Variants in ATRNL1 observed in about 807,000 individuals in gnomAD.
The protein encoded by ATRNL1 is attractin-like protein 1.
In ATRNL1, 95 loss-of-function variants were observed where a neutral mutation model predicts 182.7. The ratio of observed to expected loss-of-function variants is 0.52; its 90% CI spans 0.44 to 0.62. The LOEUF is 0.62. ATRNL1 is among the 20% of genes least tolerant of loss of function. The probability of loss-of-function intolerance (pLI) is 0.00; values close to 1 mark genes in which losing one functional copy is unlikely to be tolerated. For missense variants in ATRNL1, 1,471 were observed against 1,679.5 expected (o/e 0.88, Z 2.17); for synonymous variants, 576 against 568.3 (o/e 1.01, Z -0.19).
intron 2 of ATRNL1, among the ~76,000 whole-genome samples, chr10:115,120,712 A>G (rs749341137): frequency 3.4e-4 from 52 of 152,052 alleles, no homozygotes; most frequent in Non-Finnish European, 6.6e-4. Flanking sequence ...GAAACAATCT[A>G]TCTATTTAAA....
intron 24 of ATRNL1, among the ~76,000 whole-genome samples, chr10:115,511,328 T>C (rs1850375218): frequency 6.6e-6 from 1 of 151,948 alleles, no homozygotes; most frequent in South Asian, 2.1e-4. Flanking sequence ...GAATATAACC[T>C]AATAAGATCT....
intron 26 of ATRNL1, among the ~76,000 whole-genome samples, chr10:115,659,524 G>A (rs1860541542): frequency 6.6e-6 from 1 of 151,918 alleles, no homozygotes; most frequent in South Asian, 2.1e-4. Context: ...CATTAGTTAG[G>A]CAGTTGTATG....
At chr10:115,536,220 C>G (rs1851986302) in intron 25 of ATRNL1, among the ~76,000 whole-genome samples, 1 of 152,266 alleles carries the variant, frequency 6.6e-6, no homozygotes, top group Non-Finnish European at 1.5e-5. Context: ...AGAGGTGGAG[C>G]CTACAGAGAC....
intron 1 of ATRNL1, among the ~76,000 whole-genome samples, chr10:115,114,891 A>G (rs1295349847): frequency 1.3e-5 from 2 of 152,104 alleles, no homozygotes; most frequent in East Asian, 1.9e-4. Flanking sequence ...TATATATCCA[A>G]AGGAATTGGA....
chr10:115,215,125 T>C (rs558628482), intron 8 of ATRNL1, among the ~76,000 whole-genome samples: 54 of 152,306 alleles, frequency 3.5e-4, no homozygotes, highest in African/African-American at 1.3e-3. Context: ...CTCATACTAG[T>C]ACTCCCATTG....
intron 19 of ATRNL1, among the ~76,000 whole-genome samples, chr10:115,386,871 G>A (rs1473595099): frequency 7.6e-6 from 1 of 131,094 alleles, no homozygotes; most frequent in Non-Finnish European, 1.5e-5. Context: ...GTGTCCATGT[G>A]TTCTCATTGT....
chr10:115,357,812 C>G (rs1465600822), intron 19 of ATRNL1, among the ~76,000 whole-genome samples: 1 of 151,596 alleles, frequency 6.6e-6, no homozygotes, highest in Non-Finnish European at 1.5e-5. Context: ...TAACTTTCTG[C>G]TGAACATTTC....
intron 18 of ATRNL1, among the ~76,000 whole-genome samples, chr10:115,325,043 CAA>C (rs1178480577): frequency 9.9e-5 from 15 of 152,090 alleles, no homozygotes; most frequent in Non-Finnish European, 2.2e-4. Context: ...AAGATTGTCA[CAA>C]AGATATTTTT....
chr10:115,601,755 T>G (rs1565204537), intron 26 of ATRNL1, among the ~76,000 whole-genome samples: 2 of 152,158 alleles, frequency 1.3e-5, no homozygotes, highest in African/African-American at 4.8e-5. Context: ...TTATTTAATT[T>G]AAAAGTAGTT....
intron 26 of ATRNL1, 73 bp downstream of exon 26, chr10:115,549,609 AC>A: frequency 1.0e-6 from 1 of 997,750 alleles, no homozygotes; most frequent in Non-Finnish European, 1.4e-6. Context: ...TCTGTTAATT[AC>A]CATGCTCTCT....
chr10:115,606,249 A>G (rs1555017570), intron 26 of ATRNL1, among the ~76,000 whole-genome samples: 1 of 152,018 alleles, frequency 6.6e-6, no homozygotes, highest in Non-Finnish European at 1.5e-5. Flanking sequence ...CGCATATTTG[A>G]TTCTAGGAAT....
At chr10:115,430,036 A>T (rs894846413) in intron 21 of ATRNL1, among the ~76,000 whole-genome samples, 1 of 152,192 alleles carries the variant, frequency 6.6e-6, no homozygotes, top group Admixed American at 6.5e-5. Context: ...GCGCCACTGC[A>T]CTCCAGCCTG....
At chr10:115,899,305 T>G (rs371667338) in intron 28 of ATRNL1, among the ~76,000 whole-genome samples, 3 of 152,086 alleles carry the variant, frequency 2.0e-5, no homozygotes, top group Admixed American at 6.6e-5. Context: ...TCCCTATTTT[T>G]TTGTTGTTGT....
At chr10:115,489,067 T>G (rs1849168534) in intron 24 of ATRNL1, among the ~76,000 whole-genome samples, 1 of 152,202 alleles carries the variant, frequency 6.6e-6, no homozygotes, top group Non-Finnish European at 1.5e-5. Context: ...AGTTCTAATT[T>G]GATTGCACTG....
rs531221415 is a variant in ATRNL1 at position 115,146,046 on chromosome 10, GT to G, written c.830-13984del. On this transcript the variant is annotated intron_variant, in intron 5 of 28. Transcript: ENST00000355044. The stretch of plus-strand genomic sequence containing the variant: ...CACCTTAGAGATACTGTTAGGGTGT[GT>G]TTTTTTTTTCTGGTTATTAGACTTC... Among the ~76,000 whole-genome samples the G allele has an allele frequency of 8.1e-4, 119 of 146,448 alleles. No homozygotes were observed. The South Asian group carries it at 0.019, about 23-fold the overall frequency.
chr10:115,200,246 C>CT (rs1848512470), intron 8 of ATRNL1, among the ~76,000 whole-genome samples: 1 of 147,936 alleles, frequency 6.8e-6, no homozygotes, highest in Non-Finnish European at 1.5e-5. Flanking sequence ...TTTAATTATA[C>CT]TTTAAGTTTT....
At chr10:115,109,915 A>G (rs1554867429) in intron 1 of ATRNL1, among the ~76,000 whole-genome samples, 1 of 152,170 alleles carries the variant, frequency 6.6e-6, no homozygotes, top group Non-Finnish European at 1.5e-5. Flanking sequence ...AACCATCACC[A>G]TTACCTAATT....
intron 26 of ATRNL1, among the ~76,000 whole-genome samples, chr10:115,679,792 C>G (rs1945989944): frequency 1.3e-5 from 2 of 152,070 alleles, no homozygotes; most frequent in Admixed American, 1.3e-4. Flanking sequence ...TAGTAGTTAG[C>G]TTTTCCAAAA....
At chr10:115,761,431 T>A (rs1009645133) in intron 27 of ATRNL1, among the ~76,000 whole-genome samples, 18 of 150,848 alleles carry the variant, frequency 1.2e-4, no homozygotes, top group Non-Finnish European at 2.5e-4. Flanking sequence ...CTGATCCAGA[T>A]ATGTGTATGG....
Sources: gnomAD v4.1 joint callset for allele counts (sites outside exome capture counted in the v4.1 genomes callset) on GRCh38, gnomAD v4.1.1 for gene constraint, MANE v1.5 for transcripts, NCBI Gene and HGNC (gene_info 2026-07-23, HGNC 2026-07-21) for gene names.